The following ZNF540 variants were observed in gnomAD, a reference collection of about 807,000 sequenced individuals.
The protein encoded by ZNF540 is zinc finger protein 540.
A neutral mutation model predicts 11.8 loss-of-function variants in ZNF540; 3 were observed. That is an observed-to-expected ratio of 0.25 (90% confidence interval 0.12 to 0.65). The LOEUF (loss-of-function observed/expected upper bound fraction) is 0.65, where lower values mean the gene tolerates loss of function less well. Among genes scored for constraint, ZNF540 ranks in the 30% least tolerant of loss-of-function variants. The pLI, the probability that ZNF540 is intolerant of heterozygous loss-of-function variation, is 0.83. For missense variants in ZNF540, 709 were observed against 793.1 expected (o/e 0.89, Z 1.27); for synonymous variants, 247 against 259.0 (o/e 0.95, Z 0.45).
intron 3 of ZNF540, among the ~76,000 whole-genome samples, 179 bp downstream of exon 3, chr19:37,599,931 A>G (rs2044026052): frequency 1.3e-5 from 2 of 152,314 alleles, no homozygotes; most frequent in South Asian, 4.1e-4. Context: ...CATTTTCACC[A>G]TACCTCACTG....
Position 37,600,749 on chromosome 19 carries a change from T to C in ZNF540, c.137-261T>C, listed in dbSNP as rs1030378302. Among the ~76,000 whole-genome samples, 10 of 152,266 alleles carry C rather than the reference T, an allele frequency of 6.6e-5. No homozygotes were observed. In the East Asian group the frequency reaches 1.2e-3, roughly 18 times the overall value. On this transcript the variant is annotated intron_variant, in intron 3 of 4. Transcript: ENST00000316433. ...GCCCTCAATAACTACTGCCTCTCAATAGAGCCAGTCTGTATGAGTTTTAAT... is the reference window on the plus strand; with the variant it reads ...GCCCTCAATAACTACTGCCTCTCAACAGAGCCAGTCTGTATGAGTTTTAAT...
intron 1 of ZNF540, chr19:37,566,077 CTT>C: frequency 6.2e-7 from 1 of 1,614,040 alleles, no homozygotes; most frequent in East Asian, 2.2e-5. Flanking sequence ...TTTCAGTGGC[CTT>C]TTCTTCACAG....
chr19:37,567,302 C>T (rs1393688604), intron 1 of ZNF540, among the ~76,000 whole-genome samples: 1 of 152,184 alleles, frequency 6.6e-6, no homozygotes, highest in Non-Finnish European at 1.5e-5. Context: ...TGCTGGCATT[C>T]AATATTTGTC....
intron 4 of ZNF540, among the ~76,000 whole-genome samples, chr19:37,608,246 C>G (rs752223995): frequency 3.4e-4 from 52 of 152,144 alleles, no homozygotes; most frequent in Admixed American, 7.9e-4. Flanking sequence ...TTTTCTCTTT[C>G]TTTTCAGTGT....
chr19:37,590,013 T>C (rs949712272), upstream of ZNF540, among the ~76,000 whole-genome samples: 1 of 151,800 alleles, frequency 6.6e-6, no homozygotes, highest in Non-Finnish European at 1.5e-5. Context: ...AGTCCAGGAA[T>C]TGTTTTCCAT....
chr19:37,558,567 A>G (rs2042685459), intron 1 of ZNF540, among the ~76,000 whole-genome samples: 1 of 152,126 alleles, frequency 6.6e-6, no homozygotes, highest in Non-Finnish European at 1.5e-5. Context: ...GAAATCATCC[A>G]AAGCTCTCCC....
Position 37,611,689 on chromosome 19 carries a change from A to G in ZNF540, c.409A>G (p.Arg137Gly). ...TGAGGGTCAACAGGGACTTAAAGAA[A>G]GATCTATCAGTCAAAAGAAAATCGT... ...EFEGQQGLKERSISQKKIVSK... is the reference protein window; with the variant it reads ...EFEGQQGLKEGSISQKKIVSK... The change falls in exon 5 of 5, where the codon AGA becomes GGA. Residue 137 changes from arginine to glycine, a missense_variant. Physicochemically the swap from Arg to Gly is moderately radical, Grantham distance 125 (BLOSUM62 -2). Coordinates refer to ENST00000316433, the MANE Select transcript of ZNF540 (RefSeq NM_001172225.3). The G allele has an allele frequency of 6.2e-7, 1 of 1,613,940 alleles. No homozygotes were observed. Among genetic ancestry groups the G allele is most frequent in the South Asian group, 1.1e-5 (1 of 91,054 alleles).
In ZNF540 at chr19:37,584,195, C is replaced by G. The variant is rs772249411; in HGVS notation, c.-72-14181C>G. The G allele has an allele frequency of 2.0e-5, 31 of 1,564,200 alleles. 1 individual carries two copies. The highest frequency in any genetic ancestry group is 3.4e-4 in the Middle Eastern group (2 of 5,884). On this transcript the variant is annotated intron_variant, in intron 1 of 4. Coordinates refer to the ZNF540 transcript ENST00000592533. ...AGGTAATTGAAGGAAGCAAGTAACA[C>G]AAAACAACAGGAAATTGGTTGCCTA... is the stretch of plus-strand genomic sequence containing the variant.
Position 37,558,841 on chromosome 19 carries a change from C to CAG in ZNF540, c.-73+7192_-73+7193dup, listed in dbSNP as rs113869628. On this transcript the variant is annotated intron_variant, in intron 1 of 4. Coordinates refer to the ZNF540 transcript ENST00000592533. ...ATATATATATATATGGAGAGAGAGACAGAGAGAGAGAGAGAGACAGAGAGA... is the reference window on the plus strand; with the variant it reads ...ATATATATATATATGGAGAGAGAGACAGAGAGAGAGAGAGAGAGACAGAGAGA... Among the ~76,000 whole-genome samples, 254 of 149,330 alleles carry CAG rather than the reference C, an allele frequency of 1.7e-3. 1 individual carries two copies. Among genetic ancestry groups the CAG allele is most frequent in the Middle Eastern group, 3.5e-3 (1 of 286 alleles).
chr19:37,611,348 T>C (rs1392977048), intron 4 of ZNF540, 165 bp from the exon 5 acceptor site: 3 of 551,212 alleles, frequency 5.4e-6, no homozygotes, highest in African/African-American at 3.9e-5. Flanking sequence ...TTTTCTAAGC[T>C]CATGTTGCCT....
chr19:37,565,204 T>G, intron 1 of ZNF540: 1 of 1,613,442 alleles, frequency 6.2e-7, no homozygotes, highest in South Asian at 1.1e-5. Flanking sequence ...TTCTTTGATG[T>G]TGAATAAGAT....
chr19:37,613,246 A>G lies in ZNF540; in HGVS notation c.1966A>G (p.Thr656Ala), dbSNP rs2044147773. The G allele has an allele frequency of 6.7e-7, 1 of 1,500,838 alleles. No individual in the cohort carries two copies. The highest frequency in any genetic ancestry group is 8.9e-7 in the Non-Finnish European group (1 of 1,124,108). The allele number at this position is 1,500,838 out of a possible 1,614,324, so 93.0% of individuals were successfully genotyped here. A position where few individuals can be genotyped will look rare whatever the true frequency, so the allele number is the denominator to read the frequency against. The change falls in exon 5 of 5, where the codon ACT becomes GCT. Residue 656 changes from threonine (T) to alanine (A), a missense_variant. Physicochemically the swap from Thr to Ala is moderately conservative, Grantham distance 58. Transcript: ENST00000316433. ...QYSHLYQHQK[T>A]HNVI ...TTCACATCTTTATCAACATCAGAAA[A>G]CTCATAATGTAATTTAATATAAGAA...
intron 1 of ZNF540, chr19:37,585,657 G>C (rs1034835152): frequency 2.6e-5 from 4 of 152,242 alleles, no homozygotes; most frequent in African/African-American, 9.6e-5. Context: ...CCTGAATAGA[G>C]CTAACCATCC....
At chr19:37,566,306 G>T (rs573767781) in intron 1 of ZNF540, 3 of 1,571,586 alleles carry the variant, frequency 1.9e-6, no homozygotes, top group Admixed American at 4.0e-5. Flanking sequence ...AGAATAAAAA[G>T]AAAGCAAATT....
chr19:37,611,337 A>AT, intron 4 of ZNF540, 176 bp from the exon 5 acceptor site: 1 of 516,178 alleles, frequency 1.9e-6, no homozygotes, highest in Non-Finnish European at 3.3e-6. Context: ...ATAATCTCTC[A>AT]TTTTCTAAGC....
At chr19:37,572,300 G>C (rs2043089216) in intron 1 of ZNF540, among the ~76,000 whole-genome samples, 1 of 152,148 alleles carries the variant, frequency 6.6e-6, no homozygotes, top group Admixed American at 6.5e-5. Context: ...GTTACTCATA[G>C]TTAACTGAGG....
At chr19:37,607,956 T>A (rs1187578890) in intron 4 of ZNF540, among the ~76,000 whole-genome samples, 1 of 152,248 alleles carries the variant, frequency 6.6e-6, no homozygotes, top group Non-Finnish European at 1.5e-5. Context: ...TTGCTCCACA[T>A]CCTTGTCAGC....
intron 1 of ZNF540, among the ~76,000 whole-genome samples, chr19:37,552,946 C>T (rs371656527): frequency 3.3e-5 from 5 of 149,486 alleles, no homozygotes; most frequent in East Asian, 2.0e-4. Flanking sequence ...GACTCTGTCT[C>T]GAACAAAAAA....
chr19:37,600,043 C>T lies in ZNF540; in HGVS notation c.136+291C>T, dbSNP rs367956600. Among the ~76,000 whole-genome samples the T allele has an allele frequency of 1.1e-4, 17 of 152,270 alleles. No homozygotes were observed. In the East Asian group the frequency reaches 2.1e-3, roughly 19 times the overall value. On this transcript the variant is annotated intron_variant, in intron 3 of 4. Transcript: ENST00000316433. ...GGGGCATTTACTCCAAAGCCAATGT[C>T]AATGAAATCAGGTTTCACATTGCAT...
Sources: gnomAD v4.1 joint callset for allele counts (sites outside exome capture counted in the v4.1 genomes callset) on GRCh38, gnomAD v4.1.1 for gene constraint, MANE v1.5 for transcripts, NCBI Gene and HGNC (gene_info 2026-07-23, HGNC 2026-07-21) for gene names.